Variants in SLC25A1 observed in about 807,000 individuals in gnomAD.
SLC25A1 encodes the protein solute carrier family 25 member 1, also known as tricarboxylate transport protein, mitochondrial.
Under a neutral mutation model 38.1 loss-of-function variants are expected in SLC25A1, and 26 were observed. The ratio of observed to expected loss-of-function variants is 0.68; its 90% CI spans 0.50 to 0.95. The LOEUF is 0.95. Among genes scored for constraint, SLC25A1 ranks in the 40% least tolerant of loss-of-function variants. The pLI is 0.00. For missense variants in SLC25A1, 378 were observed against 426.6 expected (o/e 0.89, Z 1.00); for synonymous variants, 211 against 183.2 (o/e 1.15, Z -1.23).
chr22:19,176,478 T>G lies in SLC25A1; in HGVS notation c.764A>C (p.Lys255Thr), dbSNP rs113123350. ...GCCGCAGTCCCACGTGTTCCGGTATTTGTGCGCCTCCAGGCCCTATGGGGG... is the reference window on the plus strand; with the variant it reads ...GCCGCAGTCCCACGTGTTCCGGTATGTGTGCGCCTCCAGGCCCTATGGGGG... ...KTRMQGLEAH[K>T]YRNTWDCGLQ... Residue 255 changes from lysine (K) to threonine (T), a missense_variant, in exon 8 of 9, where the codon AAA (lysine) becomes ACA (threonine). Transcript: ENST00000215882. The G allele has an allele frequency of 6.2e-7, 1 of 1,613,754 alleles. No individual in the cohort carries two copies. Among genetic ancestry groups the G allele is most frequent in the African/African-American group, 1.3e-5 (1 of 74,926 alleles).
chr22:19,177,679 T>C, intron 4 of SLC25A1, 48 bp downstream of exon 4: 4 of 1,598,920 alleles, frequency 2.5e-6, no homozygotes, highest in Non-Finnish European at 3.4e-6. Context: ...GGGCCGCCCG[T>C]CTCCGTACTC....
At position 19,178,158 on chromosome 22, in the gene SLC25A1, C is replaced by A; in HGVS notation, c.177G>T (p.Ser59=). The part of the protein sequence containing the change: ...VKTQLQLDER[S]HPPRYRGIGD... Reference sequence around the variant, plus strand: ...CGATGCCCCGGTACCGCGGCGGGTGCGAGCGCTCGTCCAGCTGCAGCTGCG... The same window carrying A: ...CGATGCCCCGGTACCGCGGCGGGTGAGAGCGCTCGTCCAGCTGCAGCTGCG... Residue 59 remains serine, a synonymous_variant, in exon 2 of 9, where the codon TCG becomes TCT. Coordinates refer to ENST00000215882, the MANE Select transcript of SLC25A1 (RefSeq NM_005984.5). The surrounding 1 kb of genome is among the most constrained non-coding windows in gnomAD (Gnocchi z 4.9). The A allele has an allele frequency of 6.5e-7, 1 of 1,545,888 alleles. No individual in the cohort carries two copies. The highest frequency in any genetic ancestry group is 8.7e-7 in the Non-Finnish European group (1 of 1,145,676).
At position 19,178,682 on chromosome 22, in the gene SLC25A1, G is replaced by A. The variant is rs1203999870; in HGVS notation, c.-9C>T. 7.2e-6 allele frequency: 8 copies of A among 1,105,196 alleles called. No individual in the cohort carries two copies. The highest frequency in any genetic ancestry group is 8.8e-6 in the Non-Finnish European group (8 of 904,408). The allele number at this position is 1,105,196 out of a possible 1,614,324, so 68.5% of individuals were successfully genotyped here. On this transcript the variant is annotated 5_prime_UTR_variant, in exon 1 of 9. Transcript: ENST00000215882. This position sits in a 1 kb window ranked among gnomAD's most constrained non-coding sequence, Gnocchi z 4.9. ...GCGCGGGGCGCGGGCATGGCGGGCG[G>A]GAGGCGGGGCGCCCTGTGGCGGCTT... is the stretch of plus-strand genomic sequence containing the variant.
intron 6 of SLC25A1, 38 bp from the exon 7 acceptor site, chr22:19,176,731 G>A (rs368630779): frequency 2.3e-5 from 36 of 1,597,462 alleles, no homozygotes; most frequent in South Asian, 9.9e-5. Context: ...AGAGGGTGCC[G>A]GGAGGGGCCT....
In SLC25A1 at chr22:19,176,856, G is replaced by C. The variant is rs1015690358; in HGVS notation, c.621C>G (p.Asn207Lys). The change falls in exon 6 of 9, where the codon AAC becomes AAG. Residue 207 changes from asparagine to lysine, a missense_variant. Physicochemically the swap from Asn to Lys is moderately conservative, Grantham distance 94 (BLOSUM62 0). Transcript: ENST00000215882. ...IRFFVMTSLR[N>K]WYRGDNPNKP... is the part of the protein sequence containing the mutation. ...GTGATGCAGACACACCTCGGTACCAGTTGCGCAGGGAGGTCATGACGAAGA... is the reference window on the plus strand; with the variant it reads ...GTGATGCAGACACACCTCGGTACCACTTGCGCAGGGAGGTCATGACGAAGA... 3.7e-6 allele frequency: 6 copies of C among 1,613,838 alleles called. No homozygotes were observed. Among genetic ancestry groups the C allele is most frequent in the South Asian group, 1.1e-5 (1 of 91,080 alleles).
Position 19,177,988 on chromosome 22 carries a change from C to A in SLC25A1, c.256G>T (p.Gly86Cys), listed in dbSNP as rs1555923128. 1 of 1,604,566 alleles carries A rather than the reference C, an allele frequency of 6.2e-7. No homozygotes were observed. Among genetic ancestry groups the A allele is most frequent in the Admixed American group, 1.7e-5 (1 of 58,896 alleles). Residue 86 changes from glycine (G) to cysteine (C), a missense_variant, in exon 3 of 9, where the codon GGC (glycine) becomes TGC (cysteine). By Grantham distance (159) the Gly-to-Cys change is radical. Coordinates refer to ENST00000215882, the MANE Select transcript of SLC25A1 (RefSeq NM_005984.5). ...GAACCGTAGAGCAGGGAGCTAAGGC[C>A]GCGGTACAGGCCCAGGACGCCATGG... Reference protein sequence around the residue: ...RSHGVLGLYRGLSSLLYGSIP... With the variant: ...RSHGVLGLYRCLSSLLYGSIP...
Position 19,176,074 on chromosome 22 carries a change from A to T in SLC25A1, c.*56T>A. On this transcript the variant is annotated 3_prime_UTR_variant, in exon 9 of 9. Coordinates refer to ENST00000215882, the MANE Select transcript of SLC25A1 (RefSeq NM_005984.5). ...CTACTGCACTGGAATCGTGAGACAAAGGTAGCAGGACACTCTGGCGGTGCC... is the reference window on the plus strand; with the variant it reads ...CTACTGCACTGGAATCGTGAGACAATGGTAGCAGGACACTCTGGCGGTGCC... 1 of 1,419,286 alleles carries T rather than the reference A, an allele frequency of 7.0e-7. No individual in the cohort carries two copies. Among genetic ancestry groups the T allele is most frequent in the Non-Finnish European group, 1.0e-6 (1 of 1,004,426 alleles). 87.9% of individuals were successfully genotyped at this position (1,419,286 alleles called of 1,614,324 possible).
chr22:19,177,593 T>C (rs1461255626), intron 4 of SLC25A1, 134 bp downstream of exon 4: 86 of 1,262,960 alleles, frequency 6.8e-5, no homozygotes, highest in Non-Finnish European at 9.1e-5. Context: ...GGCCCCGCGG[T>C]CACCCCGCCG....
chr22:19,177,047 A>C (rs1555922580), intron 5 of SLC25A1, 73 bp downstream of exon 5: 1 of 1,580,566 alleles, frequency 6.3e-7, no homozygotes, highest in Non-Finnish European at 8.7e-7. Flanking sequence ...AGCCCAAGGC[A>C]GGATGGGAGG....
rs782353548 is a variant in SLC25A1, at chr22:19,176,620, G to A, written c.705C>T (p.Val235=). ...TCACATCCAGAGGAGTGTTTCCAAA[G>A]ACACTGGCTGCGCCTGCAATAGCTC... The part of the protein sequence containing the change: ...VFGAIAGAAS[V]FGNTPLDVIK... The change falls in exon 7 of 9, where the codon GTC becomes GTT. Residue 235 remains valine, a synonymous_variant. Transcript: ENST00000215882. 3 of 1,614,000 alleles carry A rather than the reference G, an allele frequency of 1.9e-6. No homozygotes were observed. The highest frequency in any genetic ancestry group is 1.7e-5 in the Admixed American group (1 of 60,026).
rs888598092 is a variant in SLC25A1 at position 19,178,297 on chromosome 22, C to A, written c.95-57G>T. The A allele has an allele frequency of 1.3e-6, 2 of 1,536,094 alleles. No homozygotes were observed. Among genetic ancestry groups the A allele is most frequent in the African/African-American group, 2.8e-5 (2 of 70,892 alleles). ...CCCGCCCGGCCGCTGGCGCTCGGGC[C>A]CCTCCCCCGTCCCGGACTTCGGTCG... On this transcript the variant is annotated intron_variant, in intron 1 of 8. Transcript: ENST00000215882. The surrounding 1 kb of genome is among the most constrained non-coding windows in gnomAD (Gnocchi z 4.9).
rs1251669507 is a variant in SLC25A1 at position 19,176,211 on chromosome 22, C to T, written c.855G>A (p.Arg285=). 2 of 1,613,364 alleles carry T rather than the reference C, an allele frequency of 1.2e-6. No individual in the cohort carries two copies. Among genetic ancestry groups the T allele is most frequent in the East Asian group, 4.5e-5 (2 of 44,890 alleles). ...FYKGTVPRLG[R]VCLDVAIVFV... is the part of the protein sequence containing the mutation. Reference sequence around the variant, plus strand: ...ACACTATGGCCACATCCAGGCAGACCCGGCCCAGGCGGGGGACAGTGCCCT... The same window carrying T: ...ACACTATGGCCACATCCAGGCAGACTCGGCCCAGGCGGGGGACAGTGCCCT... Residue 285 remains arginine, a synonymous_variant, in exon 9 of 9, where the codon CGG becomes CGA. Coordinates refer to ENST00000215882, the MANE Select transcript of SLC25A1 (RefSeq NM_005984.5).
Position 19,178,348 on chromosome 22 carries a change from G to A in SLC25A1, c.95-108C>T. On this transcript the variant is annotated intron_variant, in intron 1 of 8. Transcript: ENST00000215882. The surrounding 1 kb of genome is among the most constrained non-coding windows in gnomAD (Gnocchi z 4.9). ...GCGCGGCCGCCGCGCCAGTGCCGCG[G>A]GGAACATAGGCTGGGGCCCCACGCC... 4 of 1,501,736 alleles carry A rather than the reference G, an allele frequency of 2.7e-6. No homozygotes were observed. The South Asian group carries it at 3.9e-5, about 15-fold the overall frequency. The allele number at this position is 1,501,736 out of a possible 1,614,324, so 93.0% of individuals were successfully genotyped here. A position where few individuals can be genotyped will look rare whatever the true frequency, so the allele number is the denominator to read the frequency against.
rs1555922385 is a variant in SLC25A1 at position 19,176,609 on chromosome 22, G to T, written c.716C>A (p.Thr239Asn). 5 of 1,613,816 alleles carry T rather than the reference G, an allele frequency of 3.1e-6. No homozygotes were observed. In the African/African-American group the frequency reaches 6.7e-5, roughly 22 times the overall value. Reference protein sequence around the residue: ...IAGAASVFGNTPLDVIKTRMQ... With the variant: ...IAGAASVFGNNPLDVIKTRMQ... The stretch of plus-strand genomic sequence containing the variant: ...CCGGGTCTTAATCACATCCAGAGGA[G>T]TGTTTCCAAAGACACTGGCTGCGCC... Residue 239 changes from threonine (T) to asparagine (N), a missense_variant, in exon 7 of 9, where the codon ACT (threonine) becomes AAT (asparagine). Transcript: ENST00000215882.
chr22:19,177,641 CG>C lies in SLC25A1; in HGVS notation c.441+85del. Reference sequence around the variant, plus strand: ...GTCCAGGAGACCCTCCCCAGCTTGCCGGTTGCCCCGGGAGCACCGGGCCAGC... The same window carrying C: ...GTCCAGGAGACCCTCCCCAGCTTGCCGTTGCCCCGGGAGCACCGGGCCAGC... On this transcript the variant is annotated intron_variant, in intron 4 of 8. Coordinates refer to ENST00000215882, the MANE Select transcript of SLC25A1 (RefSeq NM_005984.5). 3.8e-6 allele frequency: 6 copies of C among 1,563,388 alleles called. No homozygotes were observed. The Admixed American group carries it at 1.0e-4, about 27-fold the overall frequency.
Position 19,177,965 on chromosome 22 carries a change from A to G in SLC25A1, c.279T>C (p.Gly93=), listed in dbSNP as rs2070255. The G allele has an allele frequency of 0.076, 122,274 of 1,602,452 alleles. 5,028 individuals carry two copies. Among genetic ancestry groups the G allele is most frequent in the Middle Eastern group, 0.13 (692 of 5,420 alleles). The change falls in exon 3 of 9, where the codon GGT becomes GGC. Residue 93 remains glycine (G), a synonymous_variant. Coordinates refer to ENST00000215882, the MANE Select transcript of SLC25A1 (RefSeq NM_005984.5). ...LYRGLSSLLY[G]SIPKAAVRFG... ...ACCTGACGGCCGCCTTGGGGATGGA[A>G]CCGTAGAGCAGGGAGCTAAGGCCGC...
chr22:19,177,689 C>T, intron 4 of SLC25A1, 38 bp downstream of exon 4: 1 of 1,601,728 alleles, frequency 6.2e-7, no homozygotes, highest in Non-Finnish European at 8.5e-7. Flanking sequence ...TCTCCGTACT[C>T]CCTGCGTGTC....
rs782465506 is a variant in SLC25A1 at position 19,177,969 on chromosome 22, T to C, written c.275A>G (p.Tyr92Cys). ...GACGGCCGCCTTGGGGATGGAACCG[T>C]AGAGCAGGGAGCTAAGGCCGCGGTA... ...GLYRGLSSLL[Y>C]GSIPKAAVRF... is the part of the protein sequence containing the mutation. The change falls in exon 3 of 9, where the codon TAC becomes TGC. Residue 92 changes from tyrosine (Y) to cysteine (C), a missense_variant. By Grantham distance (194) the Tyr-to-Cys change is radical. Coordinates refer to ENST00000215882, the MANE Select transcript of SLC25A1 (RefSeq NM_005984.5). 1.2e-6 allele frequency: 2 copies of C among 1,604,048 alleles called. No individual in the cohort carries two copies. Among genetic ancestry groups the C allele is most frequent in the Non-Finnish European group, 1.7e-6 (2 of 1,177,068 alleles).
chr22:19,178,323 G>A lies in SLC25A1; in HGVS notation c.95-83C>T. On this transcript the variant is annotated intron_variant, in intron 1 of 8. Transcript: ENST00000215882. The surrounding 1 kb of genome is among the most constrained non-coding windows in gnomAD (Gnocchi z 4.9). ...CCTCCCCCGTCCCGGACTTCGGTCG[G>A]CGCGGCCGCCGCGCCAGTGCCGCGG... The A allele has an allele frequency of 1.3e-6, 2 of 1,522,296 alleles. No individual in the cohort carries two copies. The highest frequency in any genetic ancestry group is 1.2e-5 in the South Asian group (1 of 81,090). The allele number at this position is 1,522,296 out of a possible 1,614,324, so 94.3% of individuals were successfully genotyped here. A position where few individuals can be genotyped will look rare whatever the true frequency, so the allele number is the denominator to read the frequency against.
Sources: gnomAD v4.1 joint callset for allele counts on GRCh38, gnomAD v4.1.1 for gene constraint, Gnocchi (gnomAD v3.1) non-coding constraint, MANE v1.5 for transcripts, NCBI Gene and HGNC (gene_info 2026-07-23, HGNC 2026-07-21) for gene names.